ZAP70: variants seen among roughly 807,000 people sequenced by gnomAD.
The protein encoded by ZAP70 is tyrosine-protein kinase ZAP-70.
Under a neutral mutation model 65.8 loss-of-function variants are expected in ZAP70, and 27 were observed. The observed-to-expected ratio is 0.41, with a 90% CI of 0.30 to 0.57. The LOEUF (loss-of-function observed/expected upper bound fraction) is 0.57, where lower values mean the gene tolerates loss of function less well. ZAP70 is among the 20% of genes least tolerant of loss of function. The pLI, the probability that ZAP70 is intolerant of heterozygous loss-of-function variation, is 0.28. For missense variants in ZAP70, 696 were observed against 870.5 expected, an observed-to-expected ratio of 0.80 and a Z score of 2.52; for synonymous variants, 363 against 360.8, an observed-to-expected ratio of 1.01 and a Z score of -0.07.
intron 2 of ZAP70, among the ~76,000 whole-genome samples, chr2:97,723,392 G>A (rs926432694): frequency 2.0e-5 from 3 of 152,248 alleles, no homozygotes; most frequent in East Asian, 1.9e-4. Flanking sequence ...GGGCCTCTGC[G>A]CATGCAGTCC....
At chr2:97,750,209 C>T in the ZAP70 span, among the ~76,000 whole-genome samples, 6 of 152,324 alleles carry the variant, frequency 3.9e-5, no homozygotes, top group Non-Finnish European at 7.3e-5. Context: ...AAATGGTCAA[C>T]GCCCTTCCCC....
At chr2:97,744,648 G>A (rs1448030696), downstream of ZAP70, among the ~76,000 whole-genome samples, 1 of 152,170 alleles carries the variant, frequency 6.6e-6, no homozygotes, top group Non-Finnish European at 1.5e-5. Flanking sequence ...CCAGAGGGAG[G>A]AGAGCTTCTC....
Position 97,735,371 on chromosome 2 carries a change from A to G in ZAP70, c.1204A>G (p.Ile402Val), listed in dbSNP as rs770766093. 6.2e-7 allele frequency: 1 copy of G among 1,613,320 alleles called. No homozygotes were observed. The highest frequency in any genetic ancestry group is 8.5e-7 in the Non-Finnish European group (1 of 1,179,258). Residue 402 changes from isoleucine to valine, a missense_variant, in exon 10 of 14, where the codon ATT (isoleucine) becomes GTT (valine). Transcript: ENST00000264972. ...QLDNPYIVRL[I>V]GVCQAEALML... ...GGACAACCCCTACATCGTGCGGCTC[A>G]TTGGCGTCTGCCAGGCCGAGGCCCT...
the ZAP70 span, among the ~76,000 whole-genome samples, chr2:97,749,292 A>G: frequency 6.6e-6 from 1 of 152,178 alleles, no homozygotes; most frequent in African/African-American, 2.4e-5. Flanking sequence ...TGCAGGCATG[A>G]GGCACCGCGC....
intron 3 of ZAP70, 114 bp from the exon 4 acceptor site, chr2:97,724,978 C>T (rs984848403): frequency 3.9e-6 from 6 of 1,551,496 alleles, no homozygotes; most frequent in South Asian, 1.2e-5. Flanking sequence ...GCCTAACACG[C>T]GCTAGGGACG....
chr2:97,731,851 C>A lies in ZAP70; in HGVS notation c.564-1032C>A, dbSNP rs1371250979. On this transcript the variant is annotated intron_variant, in intron 4 of 13. Coordinates refer to ENST00000264972, the MANE Select transcript of ZAP70 (RefSeq NM_001079.4). This position sits in a 1 kb window ranked among gnomAD's most constrained non-coding sequence, Gnocchi z 4.0. ...ACAAGGGCTCTTCTGTAGTGCAGTG[C>A]AATCCCTGAGATCAGGAGTCGGCTG... Among the ~76,000 whole-genome samples, 4 of 152,194 alleles carry A rather than the reference C, an allele frequency of 2.6e-5. No individual in the cohort carries two copies. The highest frequency in any genetic ancestry group is 4.4e-5 in the Non-Finnish European group (3 of 68,044).
the ZAP70 span, among the ~76,000 whole-genome samples, chr2:97,745,909 T>C: frequency 1.3e-5 from 2 of 152,180 alleles, no homozygotes; most frequent in African/African-American, 4.8e-5. Context: ...AACCCAAATG[T>C]CCATCAAATG....
In ZAP70 at chr2:97,731,635, C is replaced by A. The variant is rs1453350165; in HGVS notation, c.564-1248C>A. ...CACAGCTGCACCTCTCTCCCTCACT[C>A]AGGGGACATTTCCTAAGGAAGGGCC... On this transcript the variant is annotated intron_variant, in intron 4 of 13. Transcript: ENST00000264972. The surrounding 1 kb of genome is among the most constrained non-coding windows in gnomAD (Gnocchi z 4.0). Among the ~76,000 whole-genome samples, 1 of 152,190 alleles carries A rather than the reference C, an allele frequency of 6.6e-6. No individual in the cohort carries two copies. The highest frequency in any genetic ancestry group is 1.5e-5 in the Non-Finnish European group (1 of 68,042).
chr2:97,739,516 G>A lies in ZAP70; in HGVS notation c.*18G>A, dbSNP rs766572581. The A allele has an allele frequency of 3.1e-6, 5 of 1,610,078 alleles. No individual in the cohort carries two copies. Among genetic ancestry groups the A allele is most frequent in the East Asian group, 2.2e-5 (1 of 44,790 alleles). ...GTGCCTGAGCTCCCGCTGCCCAGGG[G>A]AGCCCTCCACGCCGGCTCTTCCCCA... is the stretch of plus-strand genomic sequence containing the variant. On this transcript the variant is annotated 3_prime_UTR_variant, in exon 14 of 14. Transcript: ENST00000264972.
At chr2:97,721,579 G>C (rs1246916113) in intron 2 of ZAP70, among the ~76,000 whole-genome samples, 2 of 101,116 alleles carry the variant, frequency 2.0e-5, no homozygotes, top group Non-Finnish European at 4.3e-5. Flanking sequence ...ATGGCTGGCT[G>C]ATTTTTTTTT....
At chr2:97,714,423 A>G (rs1334185886) in intron 2 of ZAP70, among the ~76,000 whole-genome samples, 1 of 152,242 alleles carries the variant, frequency 6.6e-6, no homozygotes, top group African/African-American at 2.4e-5. Context: ...GGCTTGAGCC[A>G]CTTGTAGGCG....
At chr2:97,718,889 A>T (rs1573251915) in intron 2 of ZAP70, among the ~76,000 whole-genome samples, 1 of 152,192 alleles carries the variant, frequency 6.6e-6, no homozygotes, top group Non-Finnish European at 1.5e-5. Flanking sequence ...GAGTGGCTCC[A>T]TGAGTCTTCA....
At chr2:97,754,075 A>C in the ZAP70 span, among the ~76,000 whole-genome samples, 2 of 152,240 alleles carry the variant, frequency 1.3e-5, no homozygotes, top group Admixed American at 1.3e-4. Flanking sequence ...GGCCTAGTAC[A>C]AAGCGACTAT....
Position 97,731,826 on chromosome 2 carries a change from A to C in ZAP70, c.564-1057A>C, listed in dbSNP as rs1368769597. ...TGGAGGGTGCAGCTCGCAGGCCATC[A>C]CAAGGGCTCTTCTGTAGTGCAGTGC... On this transcript the variant is annotated intron_variant, in intron 4 of 13. Coordinates refer to ENST00000264972, the MANE Select transcript of ZAP70 (RefSeq NM_001079.4). The surrounding 1 kb of genome is among the most constrained non-coding windows in gnomAD (Gnocchi z 4.0). Among the ~76,000 whole-genome samples the C allele has an allele frequency of 3.9e-5, 6 of 152,174 alleles. No individual in the cohort carries two copies. The highest frequency in any genetic ancestry group is 3.9e-4 in the Admixed American group (6 of 15,284).
chr2:97,756,156 A>ATGATTGAT, the ZAP70 span, among the ~76,000 whole-genome samples: 514 of 152,288 alleles, frequency 3.4e-3, 1 homozygote, highest in African/African-American at 0.011. Flanking sequence ...AGGACCCTCC[A>ATGATTGAT]TGATTGCCAT....
Position 97,739,650 on chromosome 2 carries a change from G to A in ZAP70, c.*152G>A. ...TCTCAGGCCACACCGGCCTTGCATT[G>A]CCTGCCTGGCCCCCTGTCCTCTCTG... On this transcript the variant is annotated 3_prime_UTR_variant, in exon 14 of 14. Coordinates refer to ENST00000264972, the MANE Select transcript of ZAP70 (RefSeq NM_001079.4). The A allele has an allele frequency of 8.3e-7, 1 of 1,205,240 alleles. No homozygotes were observed. The highest frequency in any genetic ancestry group is 1.1e-6 in the Non-Finnish European group (1 of 870,556). The allele number at this position is 1,205,240 out of a possible 1,614,324, so 74.7% of individuals were successfully genotyped here. A position where few individuals can be genotyped will look rare whatever the true frequency, so the allele number is the denominator to read the frequency against.
At chr2:97,717,661 A>G (rs541223847) in intron 2 of ZAP70, among the ~76,000 whole-genome samples, 6 of 152,226 alleles carry the variant, frequency 3.9e-5, no homozygotes, top group Admixed American at 3.9e-4. Context: ...GCTTTGCTGA[A>G]TAGGTGTGGG....
At position 97,731,521 on chromosome 2, in the gene ZAP70, C is replaced by T. The variant is rs549147927; in HGVS notation, c.564-1362C>T. Reference sequence around the variant, plus strand: ...ATTTCCCATCTCTCCATGTTATCTCCAGACTGTTGTGGGCTAGCCTGGGAA... The same window carrying T: ...ATTTCCCATCTCTCCATGTTATCTCTAGACTGTTGTGGGCTAGCCTGGGAA... On this transcript the variant is annotated intron_variant, in intron 4 of 13. Transcript: ENST00000264972. This position sits in a 1 kb window ranked among gnomAD's most constrained non-coding sequence, Gnocchi z 4.0. 1.1e-4 allele frequency among the ~76,000 whole-genome samples: 16 copies of T among 152,286 alleles called. No homozygotes were observed. The South Asian group carries it at 3.3e-3, about 32-fold the overall frequency.
At chr2:97,740,285 GAACC>G (rs1360997837), downstream of ZAP70, among the ~76,000 whole-genome samples, 3 of 152,156 alleles carry the variant, frequency 2.0e-5, no homozygotes, top group Non-Finnish European at 2.9e-5. Flanking sequence ...GCTCCCGTAT[GAACC>G]GTATTACTGA....
Sources: gnomAD v4.1 joint callset for allele counts (sites outside exome capture counted in the v4.1 genomes callset) on GRCh38, gnomAD v4.1.1 for gene constraint, Gnocchi (gnomAD v3.1) non-coding constraint, MANE v1.5 for transcripts, NCBI Gene and HGNC (gene_info 2026-07-23, HGNC 2026-07-21) for gene names.